Variants in EPB41L3 observed in about 807,000 individuals in gnomAD.
EPB41L3 encodes the protein erythrocyte membrane protein band 4.1 like 3.
In EPB41L3, 57 loss-of-function variants were observed where a neutral mutation model predicts 127.1. That is an observed-to-expected ratio of 0.45 (90% CI 0.36 to 0.56). The LOEUF (loss-of-function observed/expected upper bound fraction) is 0.56, where lower values mean the gene tolerates loss of function less well. EPB41L3 is among the 20% of genes least tolerant of loss of function. The pLI is 0.00. For synonymous variants in EPB41L3, 572 were observed against 549.5 expected, an observed-to-expected ratio of 1.04 and a Z score of -0.57; for missense variants, 1,273 against 1,372.2, an observed-to-expected ratio of 0.93 and a Z score of 1.14.
chr18:5,501,978 C>G (rs2091783677), intron 1 of EPB41L3, among the ~76,000 whole-genome samples: 1 of 152,154 alleles, frequency 6.6e-6, no homozygotes, highest in Non-Finnish European at 1.5e-5. Flanking sequence ...ATTTATGCCT[C>G]AAATACTCTG....
intron 3 of EPB41L3, among the ~76,000 whole-genome samples, chr18:5,455,843 G>A (rs2082972536): frequency 6.6e-6 from 1 of 150,560 alleles, no homozygotes; most frequent in African/African-American, 2.4e-5. Context: ...ATTTCCTGCT[G>A]TGGATTCAGG....
intron 1 of EPB41L3, among the ~76,000 whole-genome samples, chr18:5,507,147 C>T (rs2092261444): frequency 6.6e-6 from 1 of 152,114 alleles, no homozygotes; most frequent in South Asian, 2.1e-4. Flanking sequence ...CTTATTTTAT[C>T]TTCCTTATGA....
chr18:5,416,509 G>A, intron 12 of EPB41L3, 131 bp from the exon 13 acceptor site: 1 of 922,988 alleles, frequency 1.1e-6, no homozygotes. Flanking sequence ...TTTAGCACTA[G>A]GGTTGCTCAT....
intron 3 of EPB41L3, among the ~76,000 whole-genome samples, chr18:5,563,049 G>A (rs941266382): frequency 2.0e-5 from 3 of 152,206 alleles, no homozygotes; most frequent in African/African-American, 7.2e-5. Flanking sequence ...TAGTATGGGA[G>A]CACCTAACCT....
At chr18:5,462,512 G>C (rs1216168269) in intron 3 of EPB41L3, among the ~76,000 whole-genome samples, 2 of 152,132 alleles carry the variant, frequency 1.3e-5, no homozygotes, top group African/African-American at 4.8e-5. Flanking sequence ...TTTTTGAACT[G>C]TTTGATGGAC....
rs146075320 is a variant in EPB41L3, at chr18:5,397,129, G to A, written c.2770C>T (p.Arg924Cys). The A allele has an allele frequency of 1.2e-3, 1,878 of 1,614,114 alleles. 17 individuals are homozygous for A. The African/African-American group carries it at 0.02, about 17-fold the overall frequency. ...LEQEETAAASRERQEEQSAAI... is the reference protein window; with the variant it reads ...LEQEETAAASCERQEEQSAAI... ...GCACTCTGCTCCTCTTGTCGCTCAC[G>A]GGAAGCAGCGGCTGTCTCTTCCTGT... Residue 924 changes from arginine (R) to cysteine (C), a missense_variant, in exon 18 of 23, where the codon CGT becomes TGT. Around this residue, in one of 3 missense-constraint regions of EPB41L3, gnomAD observed 765 missense variants for 782.9 expected, o/e 0.98. Transcript: ENST00000341928. This position sits in a 1 kb window ranked among gnomAD's most constrained non-coding sequence, Gnocchi z 4.1.
intron 14 of EPB41L3, among the ~76,000 whole-genome samples, 170 bp from the exon 15 acceptor site, chr18:5,407,906 A>G (rs1296031217): frequency 6.6e-6 from 1 of 152,168 alleles, no homozygotes; most frequent in Non-Finnish European, 1.5e-5. Flanking sequence ...CACAATTAGG[A>G]AGCTTAATAA....
intron 3 of EPB41L3, among the ~76,000 whole-genome samples, chr18:5,554,381 G>A (rs754309493): frequency 2.0e-5 from 3 of 152,212 alleles, no homozygotes; most frequent in Non-Finnish European, 4.4e-5. Context: ...CTTTTGGAAG[G>A]ATTATCAGAA....
intron 3 of EPB41L3, among the ~76,000 whole-genome samples, chr18:5,477,041 T>C (rs1029832129): frequency 6.6e-6 from 1 of 152,236 alleles, no homozygotes; most frequent in Non-Finnish European, 1.5e-5. Context: ...TTTTCTATGT[T>C]CCTGCAATCT....
intron 3 of EPB41L3, among the ~76,000 whole-genome samples, chr18:5,605,790 C>T (rs529022723): frequency 2.0e-5 from 3 of 152,086 alleles, no homozygotes; most frequent in East Asian, 1.9e-4. Flanking sequence ...CCATAATATG[C>T]GAAGTTGTGT....
intron 1 of EPB41L3, among the ~76,000 whole-genome samples, chr18:5,506,028 C>CT (rs2092171126): frequency 1.3e-5 from 2 of 151,766 alleles, no homozygotes; most frequent in African/African-American, 4.8e-5. Flanking sequence ...CCACCCCTCC[C>CT]TGCCACACCC....
chr18:5,485,120 A>G (rs2089503623), intron 2 of EPB41L3, among the ~76,000 whole-genome samples: 1 of 152,088 alleles, frequency 6.6e-6, no homozygotes, highest in Non-Finnish European at 1.5e-5. Flanking sequence ...TCAACAATAC[A>G]TTAAAAAGGG....
At chr18:5,544,251 C>CAGCT, upstream of EPB41L3, 1 of 985,756 alleles carries the variant, frequency 1.0e-6, no homozygotes, top group Non-Finnish European at 1.2e-6. Flanking sequence ...CGCCTGGAGA[C>CAGCT]AGCTGCCAAT....
intron 3 of EPB41L3, among the ~76,000 whole-genome samples, chr18:5,591,653 T>G (rs2094487610): frequency 6.6e-6 from 1 of 152,186 alleles, no homozygotes; most frequent in African/African-American, 2.4e-5. Context: ...GAATATAAAA[T>G]TTCAAAGAGC....
chr18:5,482,598 G>A (rs942277667), intron 2 of EPB41L3, among the ~76,000 whole-genome samples: 3 of 152,024 alleles, frequency 2.0e-5, no homozygotes, highest in African/African-American at 7.2e-5. Context: ...AACCCTAAAA[G>A]CAGCAAGAGA....
Position 5,543,890 on chromosome 18 carries a change from A to T in EPB41L3, c.-12+23T>A. 1 of 982,414 alleles carries T rather than the reference A, an allele frequency of 1.0e-6. No homozygotes were observed. Among genetic ancestry groups the T allele is most frequent in the South Asian group, 4.7e-5 (1 of 21,144 alleles). The allele number at this position is 982,414 out of a possible 1,614,324, so 60.9% of individuals were successfully genotyped here. Reference sequence around the variant, plus strand: ...AGCCGAGACCCCCTCGCAGTCCCCCACTCCGAGAGGCGGAAAAGTTACCTG... The same window carrying T: ...AGCCGAGACCCCCTCGCAGTCCCCCTCTCCGAGAGGCGGAAAAGTTACCTG... On this transcript the variant is annotated intron_variant, in intron 1 of 22. Coordinates refer to ENST00000341928, the MANE Select transcript of EPB41L3 (RefSeq NM_012307.5). This position sits in a 1 kb window ranked among gnomAD's most constrained non-coding sequence, Gnocchi z 5.2.
chr18:5,504,653 A>G (rs2092006465), intron 1 of EPB41L3, among the ~76,000 whole-genome samples: 1 of 152,208 alleles, frequency 6.6e-6, no homozygotes, highest in Admixed American at 6.5e-5. Context: ...ATTGTTTTCT[A>G]CTGGCATTCC....
intron 3 of EPB41L3, among the ~76,000 whole-genome samples, chr18:5,452,030 G>A (rs1042764675): frequency 1.8e-4 from 27 of 152,060 alleles, no homozygotes; most frequent in South Asian, 4.2e-4. Flanking sequence ...GTAGAGACAT[G>A]GTTTTGACAC....
Position 5,474,195 on chromosome 18 carries a change from C to A in EPB41L3, c.381+4046G>T, listed in dbSNP as rs1004697907. On this transcript the variant is annotated intron_variant, in intron 3 of 22. Coordinates refer to ENST00000341928, the MANE Select transcript of EPB41L3 (RefSeq NM_012307.5). The stretch of plus-strand genomic sequence containing the variant: ...GCAGTGAGCCGAGATCGCGCCACTG[C>A]ACTCCAGCCTGGGCAACAGAGTCAG... Among the ~76,000 whole-genome samples, 8 of 151,424 alleles carry A rather than the reference C, an allele frequency of 5.3e-5. 1 individual carries two copies. The highest frequency in any genetic ancestry group is 4.6e-4 in the Admixed American group (7 of 15,218).
Sources: allele counts gnomAD v4.1 joint callset (sites outside exome capture counted in the v4.1 genomes callset), GRCh38; gene constraint gnomAD v4.1.1; regional missense constraint gnomAD v4.1.1; non-coding constraint Gnocchi (gnomAD v3.1); transcripts MANE v1.5; gene names NCBI Gene and HGNC (gene_info 2026-07-23, HGNC 2026-07-21).